The following CHM variants were observed in gnomAD, a reference collection of about 807,000 sequenced individuals.
The protein encoded by CHM is CHM Rab escort protein.
CHM carries 10 observed loss-of-function variants against 49.0 expected under a neutral mutation model. The ratio of observed to expected loss-of-function variants is 0.20; its 90% CI spans 0.13 to 0.35. CHM has a LOEUF of 0.35. Among genes scored for constraint, CHM ranks in the 10% least tolerant of loss-of-function variants. The pLI is 1.00. For missense variants in CHM, 455 were observed against 478.4 expected, an observed-to-expected ratio of 0.95 and a Z score of 0.46; for synonymous variants, 184 against 167.5, an observed-to-expected ratio of 1.10 and a Z score of -0.76.
intron 2 of CHM, among the ~76,000 whole-genome samples, chrX:86,006,822 T>C (rs1932866619): frequency 8.9e-6 from 1 of 111,873 alleles, no homozygotes; most frequent in Non-Finnish European, 1.9e-5. Flanking sequence ...ATCATAAAAA[T>C]GGCCATACTG....
chrX:85,988,423 T>A (rs1380571019), intron 2 of CHM, among the ~76,000 whole-genome samples: 1 of 111,466 alleles, frequency 9.0e-6, no homozygotes, highest in Non-Finnish European at 1.9e-5. Context: ...AAAGCTAGGA[T>A]TCACCTTGAA....
At chrX:86,023,194 T>C (rs1191119596) in intron 2 of CHM, among the ~76,000 whole-genome samples, 1 of 111,683 alleles carries the variant, frequency 9.0e-6, no homozygotes, top group African/African-American at 3.3e-5. Flanking sequence ...GAGCATTTAA[T>C]AGCTCTTTAA....
chrX:85,945,903 A>G (rs182564658), intron 8 of CHM, among the ~76,000 whole-genome samples: 1 of 112,157 alleles, frequency 8.9e-6, no homozygotes, highest in Non-Finnish European at 1.9e-5. Flanking sequence ...TCAGATGGAA[A>G]AGAGGAACTT....
At chrX:85,924,015 G>A (rs898860858) in intron 8 of CHM, among the ~76,000 whole-genome samples, 15 of 111,890 alleles carry the variant, frequency 1.3e-4, no homozygotes, top group African/African-American at 2.6e-4. Flanking sequence ...AAACGAGGAC[G>A]CATATAGTTG....
chrX:85,973,422 CAT>C (rs1205342030), intron 4 of CHM, among the ~76,000 whole-genome samples: 1 of 106,585 alleles, frequency 9.4e-6, no homozygotes, highest in African/African-American at 3.4e-5. Flanking sequence ...AGTGACAAGA[CAT>C]GTCATAATAT....
chrX:86,041,726 GTATATATATATATATATA>G (rs3078104), intron 1 of CHM, among the ~76,000 whole-genome samples: 1 of 83,735 alleles, frequency 1.2e-5, no homozygotes, highest in Non-Finnish European at 2.3e-5. Context: ...TGGTGTGTGT[GTATATATATATATATATA>G]TATATATATA....
intron 8 of CHM, among the ~76,000 whole-genome samples, chrX:85,920,836 G>A (rs16980342): frequency 0.24 from 26,146 of 111,078 alleles, 2,282 homozygotes; most frequent in African/African-American, 0.25. Context: ...GGATTATGAA[G>A]GAAAGCAACA....
intron 1 of CHM, among the ~76,000 whole-genome samples, chrX:86,037,589 C>G (rs1337733019): frequency 4.5e-5 from 5 of 110,106 alleles, no homozygotes; most frequent in Non-Finnish European, 7.6e-5. Context: ...ACTAATGTGC[C>G]ACATGACCTT....
At chrX:86,027,101 T>C (rs1933859029) in intron 2 of CHM, 1 of 120,353 alleles carries the variant, frequency 8.3e-6, no homozygotes, top group Non-Finnish European at 1.7e-5. Context: ...GGCTGACTTT[T>C]ACAACCATCA....
At chrX:85,867,116 T>C (rs1411745414) in intron 14 of CHM, among the ~76,000 whole-genome samples, 1 of 111,857 alleles carries the variant, frequency 8.9e-6, no homozygotes, top group Non-Finnish European at 1.9e-5. Flanking sequence ...TTTGGCTCTA[T>C]GTCCCTACCC....
At chrX:85,865,112 A>G (rs1923603751) in intron 14 of CHM, among the ~76,000 whole-genome samples, 2 of 111,427 alleles carry the variant, frequency 1.8e-5, no homozygotes, top group Non-Finnish European at 3.8e-5. Flanking sequence ...TTCATTCTAT[A>G]TATCAATAGA....
At chrX:85,946,782 C>T (rs1320851554) in intron 8 of CHM, among the ~76,000 whole-genome samples, 1 of 111,763 alleles carries the variant, frequency 8.9e-6, no homozygotes, top group African/African-American at 3.3e-5. Flanking sequence ...CCACAATACT[C>T]CAGGCCCCAG....
At chrX:86,027,343 T>G in intron 2 of CHM, 148 bp downstream of exon 2, 2 of 502,155 alleles carry the variant, frequency 4.0e-6, no homozygotes, top group East Asian at 3.7e-5. Flanking sequence ...TGGTTAAAAT[T>G]AAACAACTCC....
intron 14 of CHM, among the ~76,000 whole-genome samples, chrX:85,867,747 G>A (rs181146136): frequency 5.5e-4 from 61 of 111,488 alleles, no homozygotes; most frequent in African/African-American, 1.4e-3. Flanking sequence ...AGATTAAGCC[G>A]ACATATATGG....
At chrX:86,036,393 TGGAAA>T (rs1335528190) in intron 1 of CHM, among the ~76,000 whole-genome samples, 2 of 111,604 alleles carry the variant, frequency 1.8e-5, no homozygotes, top group African/African-American at 6.5e-5. Flanking sequence ...CTGAGATTAA[TGGAAA>T]GGAAAGTTCA....
chrX:85,901,062 TA>T (rs763501356), intron 10 of CHM, 21 bp downstream of exon 10: 115 of 1,052,607 alleles, frequency 1.1e-4, no homozygotes, highest in Non-Finnish European at 1.4e-4. Context: ...CTTCGCTTGC[TA>T]ATGGGTGGAG....
intron 13 of CHM, among the ~76,000 whole-genome samples, chrX:85,877,169 T>C (rs1305794939): frequency 9.0e-6 from 1 of 111,651 alleles, no homozygotes; most frequent in Admixed American, 9.6e-5. Context: ...AAAGAAAATA[T>C]GTAACTTACA....
At chrX:86,018,995 T>C (rs1255883986) in intron 2 of CHM, among the ~76,000 whole-genome samples, 4 of 111,715 alleles carry the variant, frequency 3.6e-5, no homozygotes, top group Non-Finnish European at 7.5e-5. Context: ...AACATACACA[T>C]TATAAATACA....
At chrX:85,878,926 A>T in intron 13 of CHM, 39 bp downstream of exon 13, 2 of 960,726 alleles carry the variant, frequency 2.1e-6, no homozygotes, top group Non-Finnish European at 3.0e-6. Flanking sequence ...TGATGGTTAC[A>T]TTACCTTTCC....
Sources: gnomAD v4.1 joint callset for allele counts (sites outside exome capture counted in the v4.1 genomes callset) on GRCh38, gnomAD v4.1.1 for gene constraint, MANE v1.5 for transcripts, NCBI Gene and HGNC (gene_info 2026-07-23, HGNC 2026-07-21) for gene names.